Variants in NPAS3 observed in about 807,000 individuals in gnomAD.
NPAS3 encodes the protein neuronal PAS domain-containing protein 3.
Under a neutral mutation model 73.1 loss-of-function variants are expected in NPAS3, and 14 were observed. The ratio of observed to expected loss-of-function variants is 0.19; its 90% CI spans 0.13 to 0.30. NPAS3 has a LOEUF of 0.30. Ranked by LOEUF, NPAS3 falls within the 10% of genes least tolerant of loss-of-function variation. The pLI, the probability that NPAS3 is intolerant of heterozygous loss-of-function variation, is 1.00. For missense variants in NPAS3, 1,096 were observed against 1,250.0 expected, an observed-to-expected ratio of 0.88 and a Z score of 1.86; for synonymous variants, 620 against 541.5, an observed-to-expected ratio of 1.14 and a Z score of -2.01.
At chr14:33,497,157 C>T (rs2052241828) in intron 4 of NPAS3, among the ~76,000 whole-genome samples, 1 of 152,082 alleles carries the variant, frequency 6.6e-6, no homozygotes, top group South Asian at 2.1e-4. Flanking sequence ...TGAAGGACCT[C>T]TTCAAGGAGA....
intron 2 of NPAS3, among the ~76,000 whole-genome samples, chr14:33,065,781 T>G (rs1427424086): frequency 1.3e-5 from 2 of 152,028 alleles, no homozygotes; most frequent in East Asian, 1.9e-4. Context: ...TTACTTGCAT[T>G]TCAACCATCA....
intron 2 of NPAS3, among the ~76,000 whole-genome samples, chr14:33,057,759 C>T: frequency 6.6e-6 from 1 of 152,096 alleles, no homozygotes; most frequent in East Asian, 1.9e-4. Flanking sequence ...ATATTCATAA[C>T]AAGGAAATAT....
intron 1 of NPAS3, among the ~76,000 whole-genome samples, chr14:32,953,701 A>C (rs953606572): frequency 6.6e-6 from 1 of 152,138 alleles, no homozygotes; most frequent in African/African-American, 2.4e-5. Context: ...CAGTAGTCAG[A>C]ATATTAGTGT....
Position 33,544,788 on chromosome 14 carries a change from T to TTTTATATATATATATATA in NPAS3, c.469-15332_469-15331insTTATATATATATATATAT, listed in dbSNP as rs1555409893. 2.3e-3 allele frequency among the ~76,000 whole-genome samples: 143 copies of TTTTATATATATATATATA among 63,258 alleles called. 3 individuals are homozygous for TTTTATATATATATATATA. The highest frequency in any genetic ancestry group is 0.012 in the African/African-American group (137 of 11,578). 41.5% of individuals were successfully genotyped at this position (63,258 alleles called of 152,430 possible). On this transcript the variant is annotated intron_variant, in intron 4 of 11. Transcript: ENST00000356141. ...GCATGTATGTGTTTATGTGTGTGTA[T>TTTTATATATATATATATA]TATATATATATATATATATATATGT...
At chr14:33,353,006 G>A (rs892386957) in intron 3 of NPAS3, among the ~76,000 whole-genome samples, 4 of 152,104 alleles carry the variant, frequency 2.6e-5, no homozygotes, top group African/African-American at 9.7e-5. Context: ...GAGCTAAGGG[G>A]AGCAAGTTGA....
At chr14:33,290,814 C>T (rs542427961) in intron 3 of NPAS3, among the ~76,000 whole-genome samples, 1 of 152,278 alleles carries the variant, frequency 6.6e-6, no homozygotes, top group Admixed American at 6.5e-5. Flanking sequence ...GCTCCAGGCA[C>T]CAGAGAATAG....
chr14:33,234,603 C>A (rs188377988), intron 3 of NPAS3, among the ~76,000 whole-genome samples: 3 of 152,010 alleles, frequency 2.0e-5, no homozygotes, highest in Non-Finnish European at 2.9e-5. Flanking sequence ...AGTTGGTGAG[C>A]GAGAAAACCG....
chr14:33,183,515 T>C (rs1302534751), intron 2 of NPAS3, among the ~76,000 whole-genome samples: 2 of 138,782 alleles, frequency 1.4e-5, no homozygotes, highest in African/African-American at 5.4e-5. Context: ...TGCTGGCCCA[T>C]CTAATCTAAG....
intron 4 of NPAS3, among the ~76,000 whole-genome samples, chr14:33,391,484 C>T (rs978977721): frequency 3.3e-5 from 5 of 152,154 alleles, no homozygotes; most frequent in East Asian, 3.9e-4. Flanking sequence ...TGAGCCACTG[C>T]GCCCAGCTTG....
intron 1 of NPAS3, among the ~76,000 whole-genome samples, chr14:33,016,732 C>G (rs2039410489): frequency 6.6e-6 from 1 of 151,912 alleles, no homozygotes; most frequent in African/African-American, 2.4e-5. Context: ...AATACTTAAC[C>G]ATTTATTTCT....
intron 3 of NPAS3, among the ~76,000 whole-genome samples, chr14:33,365,513 T>G (rs2140411864): frequency 6.6e-6 from 1 of 152,280 alleles, no homozygotes; most frequent in South Asian, 2.1e-4. Flanking sequence ...GATTTTTCTG[T>G]TTTAAGATTT....
intron 1 of NPAS3, among the ~76,000 whole-genome samples, chr14:32,980,940 C>G (rs1959163): frequency 0.063 from 9,567 of 152,062 alleles, 538 homozygotes; most frequent in East Asian, 0.2. Context: ...CACCCACACA[C>G]GCATACACAC....
chr14:33,092,672 G>A (rs1321732376), intron 2 of NPAS3, among the ~76,000 whole-genome samples: 2 of 152,156 alleles, frequency 1.3e-5, no homozygotes, highest in African/African-American at 4.8e-5. Flanking sequence ...TCAATCCTAA[G>A]CCAAAAGGAC....
intron 4 of NPAS3, among the ~76,000 whole-genome samples, chr14:33,532,503 T>G (rs2054089435): frequency 6.6e-6 from 1 of 152,002 alleles, no homozygotes; most frequent in African/African-American, 2.4e-5. Flanking sequence ...TTAGCTGTAT[T>G]TCCTAAATTA....
At chr14:33,313,140 C>T (rs773679755) in intron 3 of NPAS3, among the ~76,000 whole-genome samples, 5 of 151,906 alleles carry the variant, frequency 3.3e-5, no homozygotes, top group African/African-American at 7.2e-5. Flanking sequence ...AGTGAAGTGT[C>T]GGAATGCATG....
chr14:33,509,949 A>C (rs73265100), intron 4 of NPAS3, among the ~76,000 whole-genome samples: 1 of 151,980 alleles, frequency 6.6e-6, no homozygotes, highest in Non-Finnish European at 1.5e-5. Flanking sequence ...CCTAGCATCA[A>C]ATCTAAAGTC....
intron 4 of NPAS3, among the ~76,000 whole-genome samples, chr14:33,386,798 CAG>C (rs1262192395): frequency 6.6e-6 from 1 of 152,134 alleles, no homozygotes; most frequent in East Asian, 1.9e-4. Context: ...TAATGCCTAA[CAG>C]TGATTGACGT....
chr14:33,745,914 A>C (rs921487308), intron 7 of NPAS3, among the ~76,000 whole-genome samples: 1 of 152,200 alleles, frequency 6.6e-6, no homozygotes, highest in African/African-American at 2.4e-5. Flanking sequence ...GCATCATGGG[A>C]AGACTAATAT....
intron 8 of NPAS3, among the ~76,000 whole-genome samples, chr14:33,776,974 G>A (rs886435443): frequency 6.6e-6 from 1 of 152,186 alleles, no homozygotes; most frequent in Non-Finnish European, 1.5e-5. Context: ...CTAAAGAAAT[G>A]CCTTCCCTAA....
Sources: allele counts gnomAD v4.1 joint callset (sites outside exome capture counted in the v4.1 genomes callset), GRCh38; gene constraint gnomAD v4.1.1; transcripts MANE v1.5; gene names NCBI Gene and HGNC (gene_info 2026-07-23, HGNC 2026-07-21).